SS18L1: variants seen among roughly 807,000 people sequenced by gnomAD.
The protein encoded by SS18L1 is calcium-responsive transactivator.
A neutral mutation model predicts 70.3 loss-of-function variants in SS18L1; 32 were observed. That is an observed-to-expected ratio of 0.46 (90% CI 0.34 to 0.61). The LOEUF is 0.61. Ranked by LOEUF, SS18L1 falls within the 20% of genes least tolerant of loss-of-function variation. The probability of loss-of-function intolerance (pLI) is 0.01; values close to 1 mark genes in which losing one functional copy is unlikely to be tolerated. For missense variants in SS18L1, 430 were observed against 542.1 expected (o/e 0.79, Z 2.05); for synonymous variants, 237 against 229.7 (o/e 1.03, Z -0.29).
rs766895038 is a variant in SS18L1 at position 62,159,973 on chromosome 20, C to CG, written c.231+18dup. On this transcript the variant is annotated intron_variant, in intron 3 of 10. Coordinates refer to ENST00000331758, the MANE Select transcript of SS18L1 (RefSeq NM_198935.3). The surrounding 1 kb of genome is among the most constrained non-coding windows in gnomAD (Gnocchi z 4.4). ...CCCTGCTTCCTGCCGTGAGTACCCA[C>CG]GGGGGGTTGGCCTCCTTTACCCAGC... The CG allele has an allele frequency of 1.2e-6, 2 of 1,608,300 alleles. No homozygotes were observed. The highest frequency in any genetic ancestry group is 1.3e-5 in the African/African-American group (1 of 74,860).
Position 62,159,898 on chromosome 20 carries a change from G to T in SS18L1, c.168G>T (p.Arg56=). Residue 56 remains arginine, a synonymous_variant, in exon 3 of 11, where the codon CGG becomes CGT. Coordinates refer to ENST00000331758, the MANE Select transcript of SS18L1 (RefSeq NM_198935.3). This position sits in a 1 kb window ranked among gnomAD's most constrained non-coding sequence, Gnocchi z 4.4. ...GCAGGTACCAGCAGATCCTGCACCG[G>T]AACCTGGTATACCTGGCCACGATCG... ...ECTQYQQILH[R]NLVYLATIAD... 6.2e-7 allele frequency: 1 copy of T among 1,612,640 alleles called. No homozygotes were observed. Among genetic ancestry groups the T allele is most frequent in the East Asian group, 2.2e-5 (1 of 44,846 alleles).
intron 8 of SS18L1, among the ~76,000 whole-genome samples, chr20:62,166,230 C>T (rs997157256): frequency 1.1e-4 from 16 of 152,218 alleles, no homozygotes; most frequent in Non-Finnish European, 1.5e-4. Context: ...TGCGCAACCT[C>T]GTCCGGGAGG....
At chr20:62,163,694 C>G (rs2057374768) in intron 6 of SS18L1, 72 bp downstream of exon 6, 1 of 1,451,948 alleles carries the variant, frequency 6.9e-7, no homozygotes, top group Non-Finnish European at 9.1e-7. Context: ...GCTGTGTGTG[C>G]TTCTCTTCGG....
Position 62,161,483 on chromosome 20 carries a change from C to T in SS18L1, c.279C>T (p.Ser93=), listed in dbSNP as rs140371118. The change falls in exon 4 of 11, where the codon AGC becomes AGT. Residue 93 remains serine (S), a synonymous_variant. Coordinates refer to ENST00000331758, the MANE Select transcript of SS18L1 (RefSeq NM_198935.3). This position sits in a 1 kb window ranked among gnomAD's most constrained non-coding sequence, Gnocchi z 4.4. ...TGGGCCCTGGAGCCCTGACTCAGAGCGGCTCCAGCCAGGGCCTGCACTCTC... is the reference window on the plus strand; with the variant it reads ...TGGGCCCTGGAGCCCTGACTCAGAGTGGCTCCAGCCAGGGCCTGCACTCTC... The part of the protein sequence containing the change: ...MNLGPGALTQ[S]GSSQGLHSQG... 1.5e-3 allele frequency: 2,463 copies of T among 1,612,874 alleles called. 4 individuals are homozygous for T. The highest frequency in any genetic ancestry group is 1.9e-3 in the Non-Finnish European group (2,300 of 1,180,000).
chr20:62,170,321 C>T (rs190968861), intron 8 of SS18L1, among the ~76,000 whole-genome samples: 20 of 152,170 alleles, frequency 1.3e-4, no homozygotes, highest in African/African-American at 3.6e-4. Flanking sequence ...GTGGCTAACA[C>T]GGTGAAACCC....
chr20:62,157,017 G>A (rs1018673720), intron 1 of SS18L1, among the ~76,000 whole-genome samples: 4 of 152,146 alleles, frequency 2.6e-5, no homozygotes, highest in African/African-American at 7.2e-5. Context: ...GGCGGGTGTC[G>A]CCTCTTCTCA....
chr20:62,152,831 C>T (rs940368476), intron 1 of SS18L1, among the ~76,000 whole-genome samples: 7 of 152,140 alleles, frequency 4.6e-5, no homozygotes, highest in Non-Finnish European at 7.3e-5. Context: ...TAAGAAACTA[C>T]GAATCGACAA....
chr20:62,152,778 T>C (rs1945058728), intron 1 of SS18L1, among the ~76,000 whole-genome samples: 1 of 152,178 alleles, frequency 6.6e-6, no homozygotes, highest in African/African-American at 2.4e-5. Context: ...GATGATACCG[T>C]GAGTAAATGC....
chr20:62,179,781 A>G lies in SS18L1; in HGVS notation c.*573A>G, dbSNP rs2057681274. 4.3e-6 allele frequency: 1 copy of G among 231,114 alleles called. No homozygotes were observed. The highest frequency in any genetic ancestry group is 8.6e-6 in the Non-Finnish European group (1 of 116,884). 14.3% of individuals were successfully genotyped at this position (231,114 alleles called of 1,614,324 possible). On this transcript the variant is annotated 3_prime_UTR_variant, in exon 11 of 11. Coordinates refer to ENST00000331758, the MANE Select transcript of SS18L1 (RefSeq NM_198935.3). ...CTGTTACGTAACGAAAAGGATAAAC[A>G]TCTCCCACGGGAGAGGCCACAGATG...
At chr20:62,154,439 A>AC in intron 1 of SS18L1, 1 of 1,037,840 alleles carries the variant, frequency 9.6e-7, no homozygotes, top group African/African-American at 1.7e-5. Flanking sequence ...TCAGGATCAG[A>AC]CCGTAGCCCT....
At chr20:62,178,948 G>A (rs114959512) in intron 10 of SS18L1, among the ~76,000 whole-genome samples, 1,997 of 152,326 alleles carry the variant, frequency 0.013, 34 homozygotes, top group African/African-American at 0.045. Context: ...GCACAGGCCC[G>A]GCCGCAGCGA....
At chr20:62,160,786 A>G (rs1242066499) in intron 3 of SS18L1, among the ~76,000 whole-genome samples, 2 of 152,076 alleles carry the variant, frequency 1.3e-5, no homozygotes, top group African/African-American at 2.4e-5. Context: ...GACCTGTCAA[A>G]TTGCACTTCT....
intron 8 of SS18L1, among the ~76,000 whole-genome samples, chr20:62,168,016 G>A (rs2145763550): frequency 7.2e-6 from 1 of 138,548 alleles, no homozygotes; most frequent in African/African-American, 2.7e-5. Flanking sequence ...TTTTTGTAGA[G>A]ATAAGGTCTT....
In SS18L1 at chr20:62,159,861, G is replaced by T. The variant is rs201252105; in HGVS notation, c.147-16G>T. The T allele has an allele frequency of 6.2e-7, 1 of 1,611,058 alleles. No individual in the cohort carries two copies. The highest frequency in any genetic ancestry group is 1.1e-5 in the South Asian group (1 of 90,832). The stretch of plus-strand genomic sequence containing the variant: ...GGTCCCGTCGTCCTGCCTCATGCGT[G>T]CCCCCTCTCCTGCAGGTACCAGCAG... On this transcript the variant is annotated splice_polypyrimidine_tract_variant and intron_variant, in intron 2 of 10. Coordinates refer to ENST00000331758, the MANE Select transcript of SS18L1 (RefSeq NM_198935.3). The surrounding 1 kb of genome is among the most constrained non-coding windows in gnomAD (Gnocchi z 4.4).
Position 62,143,870 on chromosome 20 carries a change from C to A in SS18L1, c.50C>A (p.Thr17Lys), listed in dbSNP as rs752428675. 7.8e-7 allele frequency: 1 copy of A among 1,281,488 alleles called. No homozygotes were observed. Among genetic ancestry groups the A allele is most frequent in the South Asian group, 1.5e-5 (1 of 65,068 alleles). The allele number at this position is 1,281,488 out of a possible 1,614,324, so 79.4% of individuals were successfully genotyped here. The stretch of plus-strand genomic sequence containing the variant: ...CGGCCAAGAGGCAAAGGGGAGGTTA[C>A]GCAGCAAACCATCCAGAAGGTGGGC... ...SARPRGKGEV[T>K]QQTIQKMLDE... The change falls in exon 1 of 11, where the codon ACG becomes AAG. Residue 17 changes from threonine to lysine, a missense_variant. By Grantham distance (78) the Thr-to-Lys change is moderately conservative (BLOSUM62 -1). Coordinates refer to ENST00000331758, the MANE Select transcript of SS18L1 (RefSeq NM_198935.3).
At chr20:62,160,012 CTG>C (rs2145730777) in intron 3 of SS18L1, 51 bp downstream of exon 3, 1 of 1,536,332 alleles carries the variant, frequency 6.5e-7, no homozygotes, top group South Asian at 1.2e-5. Flanking sequence ...GACTCCGACA[CTG>C]CCTAAGATCG....
Position 62,171,606 on chromosome 20 carries a change from T to C in SS18L1, c.917-1076T>C, listed in dbSNP as rs201381493. On this transcript the variant is annotated intron_variant, in intron 8 of 10. Coordinates refer to ENST00000331758, the MANE Select transcript of SS18L1 (RefSeq NM_198935.3). The stretch of plus-strand genomic sequence containing the variant: ...GATAGGTTTTTAAGCCATTCCAGTG[T>C]GCATTATCTCAATAAAGCTGTTATT... Among the ~76,000 whole-genome samples the C allele has an allele frequency of 3.9e-5, 6 of 152,252 alleles. No individual in the cohort carries two copies. In the East Asian group the frequency reaches 1.2e-3, roughly 29 times the overall value.
chr20:62,163,055 C>T, intron 5 of SS18L1, 124 bp downstream of exon 5: 1 of 1,328,222 alleles, frequency 7.5e-7, no homozygotes, highest in South Asian at 1.3e-5. Context: ...GGGGAGGGGC[C>T]CGTGAATCGG....
chr20:62,150,995 C>T (rs1045734878), intron 1 of SS18L1, among the ~76,000 whole-genome samples: 3 of 152,168 alleles, frequency 2.0e-5, no homozygotes, highest in Admixed American at 2.0e-4. Context: ...TTAGAAAGGA[C>T]AACCATGAGG....
Sources: gnomAD v4.1 joint callset for allele counts (sites outside exome capture counted in the v4.1 genomes callset) on GRCh38, gnomAD v4.1.1 for gene constraint, Gnocchi (gnomAD v3.1) non-coding constraint, MANE v1.5 for transcripts, NCBI Gene and HGNC (gene_info 2026-07-23, HGNC 2026-07-21) for gene names.